Variants in KIF13B observed in about 807,000 individuals in gnomAD.
KIF13B encodes the protein kinesin-like protein KIF13B.
A neutral mutation model predicts 222.0 loss-of-function variants in KIF13B; 127 were observed. The ratio of observed to expected loss-of-function variants is 0.57; its 90% CI spans 0.50 to 0.66. The LOEUF is 0.66. Ranked by LOEUF, KIF13B falls within the 30% of genes least tolerant of loss-of-function variation. The pLI is 0.00. For synonymous variants in KIF13B, 976 were observed against 919.0 expected (o/e 1.06, Z -1.12); for missense variants, 2,173 against 2,379.0 (o/e 0.91, Z 1.80).
At chr8:29,126,780 G>A (rs1011361093) in intron 25 of KIF13B, among the ~76,000 whole-genome samples, 5 of 152,234 alleles carry the variant, frequency 3.3e-5, no homozygotes, top group South Asian at 2.1e-4. Context: ...CACTCGCCAG[G>A]GGAAATCAAA....
chr8:29,139,891 T>C (rs1421628969), intron 21 of KIF13B, among the ~76,000 whole-genome samples, 172 bp downstream of exon 21: 4 of 152,214 alleles, frequency 2.6e-5, no homozygotes, highest in Non-Finnish European at 4.4e-5. Flanking sequence ...GGCTCTGCTC[T>C]ACTTCCAAAA....
chr8:29,245,404 C>T lies in KIF13B; in HGVS notation c.91G>A (p.Asp31Asn). The T allele has an allele frequency of 6.2e-7, 1 of 1,602,124 alleles. No individual in the cohort carries two copies. The highest frequency in any genetic ancestry group is 1.7e-4 in the Middle Eastern group (1 of 6,054). ...GGATTAAGAATAACCTTGTTTGCATCCACATCCACCACACATTTGGTATGC... is the reference window on the plus strand; with the variant it reads ...GGATTAAGAATAACCTTGTTTGCATTCACATCCACCACACATTTGGTATGC... ...DLHTKCVVDV[D>N]ANKVILNPVN... Residue 31 changes from aspartate to asparagine, a missense_variant, in exon 2 of 40, where the codon GAT (aspartate) becomes AAT (asparagine). Coordinates refer to ENST00000524189, the MANE Select transcript of KIF13B (RefSeq NM_015254.4).
intron 28 of KIF13B, among the ~76,000 whole-genome samples, chr8:29,123,144 A>C (rs768173385): frequency 1.3e-5 from 2 of 152,232 alleles, no homozygotes; most frequent in Non-Finnish European, 2.9e-5. Flanking sequence ...AAGTTCTCAG[A>C]AATCTTAATG....
At chr8:29,081,274 C>A (rs565784466) in intron 37 of KIF13B, among the ~76,000 whole-genome samples, 1 of 152,302 alleles carries the variant, frequency 6.6e-6, no homozygotes, top group African/African-American at 2.4e-5. Context: ...AGGTGTGCAC[C>A]CTCCCCATTT....
intron 2 of KIF13B, among the ~76,000 whole-genome samples, chr8:29,235,712 G>A (rs1047205340): frequency 1.3e-5 from 2 of 152,190 alleles, no homozygotes; most frequent in Non-Finnish European, 2.9e-5. Context: ...TGCCACCTAC[G>A]TAGTGGCATT....
chr8:29,114,611 C>T (rs1809510888), intron 31 of KIF13B, among the ~76,000 whole-genome samples: 1 of 152,092 alleles, frequency 6.6e-6, no homozygotes, highest in Admixed American at 6.5e-5. Flanking sequence ...GTGGAAGGTC[C>T]TATTCTTGTT....
intron 32 of KIF13B, among the ~76,000 whole-genome samples, chr8:29,111,611 T>C (rs1402328402): frequency 1.3e-5 from 2 of 152,218 alleles, no homozygotes; most frequent in African/African-American, 4.8e-5. Context: ...CCCCCTATAT[T>C]TCTTTCCTTT....
chr8:29,173,462 A>T (rs1485886962), intron 10 of KIF13B, among the ~76,000 whole-genome samples: 1 of 65,352 alleles, frequency 1.5e-5, no homozygotes, highest in African/African-American at 3.8e-5. Context: ...CTCTACTAAA[A>T]ATTGAAAAAA....
chr8:29,092,660 C>G, intron 37 of KIF13B, 85 bp downstream of exon 37: 1 of 1,410,908 alleles, frequency 7.1e-7, no homozygotes. Flanking sequence ...ACCCAGAGGC[C>G]GCACCTCCAC....
intron 2 of KIF13B, among the ~76,000 whole-genome samples, chr8:29,230,744 C>G (rs1285523227): frequency 6.6e-6 from 1 of 152,192 alleles, no homozygotes; most frequent in South Asian, 2.1e-4. Flanking sequence ...CCAAGAAGAC[C>G]TGAATCAGCA....
At chr8:29,092,169 A>G (rs556121385) in intron 37 of KIF13B, among the ~76,000 whole-genome samples, 1 of 152,364 alleles carries the variant, frequency 6.6e-6, no homozygotes, top group South Asian at 2.1e-4. Flanking sequence ...TTGCATTTCC[A>G]ATGGGGTTCC....
At chr8:29,205,033 T>C (rs1024158337) in intron 2 of KIF13B, among the ~76,000 whole-genome samples, 3 of 152,166 alleles carry the variant, frequency 2.0e-5, no homozygotes, top group Non-Finnish European at 1.5e-5. Flanking sequence ...ACTCAAGGTC[T>C]ACAGGCCCGA....
chr8:29,244,411 C>A (rs1285834778), intron 2 of KIF13B, among the ~76,000 whole-genome samples: 3 of 148,912 alleles, frequency 2.0e-5, no homozygotes, highest in African/African-American at 7.6e-5. Context: ...TCCTACTTTG[C>A]ACAAAGCCTC....
intron 10 of KIF13B, among the ~76,000 whole-genome samples, chr8:29,172,082 C>CTTTTTT (rs35655869): frequency 2.6e-5 from 3 of 113,272 alleles, no homozygotes; most frequent in Admixed American, 1.0e-4. Flanking sequence ...ATTTTCTTTT[C>CTTTTTT]TTTTTTTTTT....
At chr8:29,077,366 G>A (rs941037818) in intron 37 of KIF13B, among the ~76,000 whole-genome samples, 3 of 152,208 alleles carry the variant, frequency 2.0e-5, no homozygotes, top group Non-Finnish European at 4.4e-5. Flanking sequence ...CGCAGTCCTC[G>A]CATGCCAGGG....
intron 21 of KIF13B, among the ~76,000 whole-genome samples, chr8:29,138,199 A>G (rs1334426710): frequency 6.6e-6 from 1 of 152,116 alleles, no homozygotes; most frequent in Non-Finnish European, 1.5e-5. Flanking sequence ...AAAATACAAA[A>G]TTAGCTGGGC....
chr8:29,223,625 A>G (rs1814869556), intron 2 of KIF13B, among the ~76,000 whole-genome samples: 1 of 152,258 alleles, frequency 6.6e-6, no homozygotes, highest in Admixed American at 6.5e-5. Flanking sequence ...GATGATAAAG[A>G]TAGTGTATTC....
intron 37 of KIF13B, among the ~76,000 whole-genome samples, chr8:29,078,491 A>C (rs1028498186): frequency 9.9e-5 from 15 of 152,066 alleles, no homozygotes; most frequent in African/African-American, 3.4e-4. Flanking sequence ...GTAATAGCTG[A>C]AGTTTTCAAG....
intron 21 of KIF13B, among the ~76,000 whole-genome samples, chr8:29,139,481 C>G (rs1266618653): frequency 6.6e-6 from 1 of 152,282 alleles, no homozygotes; most frequent in Middle Eastern, 3.4e-3. Flanking sequence ...ATTCCTCCCC[C>G]TTCCTAGTGA....
Sources: gnomAD v4.1 joint callset for allele counts (sites outside exome capture counted in the v4.1 genomes callset) on GRCh38, gnomAD v4.1.1 for gene constraint, MANE v1.5 for transcripts, NCBI Gene and HGNC (gene_info 2026-07-23, HGNC 2026-07-21) for gene names.